Variants in L1CAM observed in about 807,000 individuals in gnomAD.
L1CAM encodes neural cell adhesion molecule L1.
In L1CAM, 8 loss-of-function variants were observed where a neutral mutation model predicts 93.0. The observed-to-expected ratio is 0.09, with a 90% CI of 0.05 to 0.16. The LOEUF (loss-of-function observed/expected upper bound fraction) is 0.16, where lower values mean the gene tolerates loss of function less well. Ranked by LOEUF, L1CAM falls within the 10% of genes least tolerant of loss-of-function variation. L1CAM has a pLI of 1.00. For synonymous variants in L1CAM, 453 were observed against 453.0 expected (o/e 1.00, Z 0.00); for missense variants, 777 against 1,073.4 (o/e 0.72, Z 3.86).
chrX:153,867,124 G>A lies in L1CAM; in HGVS notation c.2138C>T (p.Ala713Val). 2 of 1,204,675 alleles carry A rather than the reference G, an allele frequency of 1.7e-6. No individual in the cohort carries two copies. Among genetic ancestry groups the A allele is most frequent in the Non-Finnish European group, 2.2e-6 (2 of 889,140 alleles). ...CACATCCACAGGGTTCTTCTCTGGG[G>A]CTGGAAAGGAAAGTATTAACACATC... ...VSETVVTPEA[A>V]PEKNPVDVKG... The change falls in exon 18 of 29, where the codon GCC (alanine) becomes GTC (valine). Residue 713 changes from alanine to valine, a missense_variant and splice_region_variant. This residue lies in a region of L1CAM where 574 missense variants were observed against 781.0 expected (regional missense o/e 0.73). Coordinates refer to ENST00000370060, the MANE Select transcript of L1CAM (RefSeq NM_001278116.2).
chrX:153,885,858 C>T (rs2064877436), intron 1 of L1CAM: 6 of 810,866 alleles, frequency 7.4e-6, no homozygotes, highest in South Asian at 2.8e-5. Flanking sequence ...GGCTCGGGCA[C>T]CCGGCATCCC....
At chrX:153,864,133 G>A in intron 25 of L1CAM, 116 bp from the exon 26 acceptor site, 2 of 1,083,940 alleles carry the variant, frequency 1.8e-6, no homozygotes, top group Non-Finnish European at 2.6e-6. Context: ...GACAGGGACA[G>A]GGAAAAGGGC....
intron 13 of L1CAM, 32 bp from the exon 14 acceptor site, chrX:153,868,490 C>T: frequency 8.3e-7 from 1 of 1,211,986 alleles, no homozygotes; most frequent in Non-Finnish European, 1.1e-6. Flanking sequence ...GGAAGTCACT[C>T]TGTTGTCCTC....
In L1CAM at chrX:153,880,101, C is replaced by G. The variant is rs2064836657; in HGVS notation, c.-108-4157G>C. ...CCATCCCACCCCACCTGGCCTCCCA[C>G]TACACCCGCAGGTCCCTCAGGGAGT... On this transcript the variant is annotated intron_variant, in intron 1 of 28. Transcript: ENST00000370060. 3.6e-5 allele frequency among the ~76,000 whole-genome samples: 4 copies of G among 112,135 alleles called. No individual in the cohort carries two copies. In the South Asian group the frequency reaches 1.5e-3, roughly 41 times the overall value.
rs976177297 is a variant in L1CAM, at chrX:153,862,613, G to A, written c.*50C>T. On this transcript the variant is annotated 3_prime_UTR_variant, in exon 29 of 29. Transcript: ENST00000370060. ...TCCCATGGGCCTGCTGGAGAGGGAG[G>A]GGCCTGGATCCCAAGGCCAGGGGCA... 3.0e-6 allele frequency: 3 copies of A among 1,011,494 alleles called. No individual in the cohort carries two copies. Among genetic ancestry groups the A allele is most frequent in the African/African-American group, 3.7e-5 (2 of 53,568 alleles). The allele number at this position is 1,011,494 out of a possible 1,213,427, so 83.4% of individuals were successfully genotyped here.
Position 153,866,887 on chromosome X carries a change from A to G in L1CAM, c.2209-16T>C. 1 of 1,196,735 alleles carries G rather than the reference A, an allele frequency of 8.4e-7. No homozygotes were observed. On this transcript the variant is annotated splice_polypyrimidine_tract_variant and intron_variant, in intron 18 of 28. Transcript: ENST00000370060. ...ACCGGAGCGGCTGGAGGAGGCCAGC[A>G]GAAGAGGAGTTGGTTGGCCAAGAAC...
At chrX:153,885,343 C>T (rs1290742061) in intron 1 of L1CAM, 36 of 974,438 alleles carry the variant, frequency 3.7e-5, no homozygotes, top group Non-Finnish European at 4.8e-5. Context: ...CTCACCCACT[C>T]CAGCCCTGAC....
At chrX:153,870,736 C>G in intron 7 of L1CAM, 54 bp downstream of exon 7, 1 of 1,138,391 alleles carries the variant, frequency 8.8e-7, no homozygotes, top group Non-Finnish European at 1.2e-6. Context: ...TGGGAAGGGC[C>G]ATGCCTGAGG....
chrX:153,869,897 T>G lies in L1CAM; in HGVS notation c.1029A>C (p.Leu343=), dbSNP rs782246241. The change falls in exon 10 of 29, where the codon CTA becomes CTC. Residue 343 remains leucine (L), a synonymous_variant. Transcript: ENST00000370060. The part of the protein sequence containing the change: ...PYWLHKPQSH[L]YGPGETARLD... ...GGCGGGCAGTCTCTCCTGGCCCATA[T>G]AGATGGCTCTGGGGCTTGTGCAGCC... 8.3e-7 allele frequency: 1 copy of G among 1,209,942 alleles called. No homozygotes were observed. Among genetic ancestry groups the G allele is most frequent in the South Asian group, 1.8e-5 (1 of 56,761 alleles).
intron 1 of L1CAM, among the ~76,000 whole-genome samples, chrX:153,883,504 G>A (rs45450698): frequency 3.8e-4 from 43 of 112,171 alleles, no homozygotes; most frequent in South Asian, 1.1e-3. Context: ...GTAAGACAGC[G>A]ACTGCAGGGG....
intron 8 of L1CAM, 24 bp downstream of exon 8, chrX:153,870,364 C>T (rs369601122): frequency 2.5e-6 from 3 of 1,200,133 alleles, no homozygotes; most frequent in Non-Finnish European, 3.4e-6. Context: ...CCTGCCCTGC[C>T]CTGCCCTGGG....
In L1CAM at chrX:153,869,849, C is replaced by T; in HGVS notation, c.1077G>A (p.Arg359=). 1.7e-6 allele frequency: 2 copies of T among 1,210,952 alleles called. No homozygotes were observed. Among genetic ancestry groups the T allele is most frequent in the East Asian group, 5.9e-5 (2 of 33,835 alleles). The change falls in exon 10 of 29, where the codon AGG becomes AGA. Residue 359 remains arginine, a synonymous_variant. Coordinates refer to ENST00000370060, the MANE Select transcript of L1CAM (RefSeq NM_001278116.2). ...TTCTCCAGGTGACCTCTGGTTGGGGCCTGCCCTGGACTTGGCAGTCCAGGC... is the reference window on the plus strand; with the variant it reads ...TTCTCCAGGTGACCTCTGGTTGGGGTCTGCCCTGGACTTGGCAGTCCAGGC... ...TARLDCQVQG[R]PQPEVTWRIN...
chrX:153,884,326 G>C, intron 1 of L1CAM: 8 of 857,878 alleles, frequency 9.3e-6, no homozygotes, highest in Non-Finnish European at 1.2e-5. Flanking sequence ...ACCTTGAAGC[G>C]CTGATTGTCC....
chrX:153,871,882 C>T (rs1175568569), intron 5 of L1CAM, among the ~76,000 whole-genome samples: 1 of 105,712 alleles, frequency 9.5e-6, no homozygotes, highest in African/African-American at 3.5e-5. Context: ...CCCCCGCCAC[C>T]TTCCTGCTCA....
At position 153,862,533 on chromosome X, in the gene L1CAM, G is replaced by A. The variant is rs1458696700; in HGVS notation, c.*130C>T. ...GGGTTTTGGCAATAAAGTGGGGACCGGGTGGTAGGAAGGGGATCCGAGGCA... is the reference window on the plus strand; with the variant it reads ...GGGTTTTGGCAATAAAGTGGGGACCAGGTGGTAGGAAGGGGATCCGAGGCA... On this transcript the variant is annotated 3_prime_UTR_variant, in exon 29 of 29. Transcript: ENST00000370060. The A allele has an allele frequency of 9.9e-6, 5 of 503,358 alleles. No individual in the cohort carries two copies. The highest frequency in any genetic ancestry group is 3.9e-5 in the Admixed American group (1 of 25,659). 41.5% of individuals were successfully genotyped at this position (503,358 alleles called of 1,213,427 possible).
In L1CAM at chrX:153,870,085, G is replaced by A. The variant is rs201700814; in HGVS notation, c.962C>T (p.Ala321Val). ...RCLAENSLGSARHAYYVTVEA... is the reference protein window; with the variant it reads ...RCLAENSLGSVRHAYYVTVEA... ...CACGGTGACATAGTACGCATGCCGG[G>A]CACTGCCCAGTGAGTTCTCGGCCAG... The change falls in exon 9 of 29, where the codon GCC (alanine) becomes GTC (valine). Residue 321 changes from alanine to valine, a missense_variant. Physicochemically the swap from Ala to Val is moderately conservative, Grantham distance 64. Coordinates refer to ENST00000370060, the MANE Select transcript of L1CAM (RefSeq NM_001278116.2). The A allele has an allele frequency of 1.9e-5, 23 of 1,210,377 alleles. No homozygotes were observed. The highest frequency in any genetic ancestry group is 1.0e-4 in the African/African-American group (6 of 57,350).
rs1472054638 is a variant in L1CAM at position 153,875,601 on chromosome X, G to T, written c.76+160C>A. On this transcript the variant is annotated intron_variant, in intron 2 of 28. Transcript: ENST00000370060. The stretch of plus-strand genomic sequence containing the variant: ...CTTCTACCCTGCCCTTCTCTCCGGG[G>T]GTACCCAACGTCCTGGCTATCTCCT... 3 of 537,881 alleles carry T rather than the reference G, an allele frequency of 5.6e-6. No individual in the cohort carries two copies. In the East Asian group the frequency reaches 1.1e-4, roughly 19 times the overall value. The allele number at this position is 537,881 out of a possible 1,213,427, so 44.3% of individuals were successfully genotyped here.
chrX:153,883,973 G>A (rs1272082990), intron 1 of L1CAM: 3 of 342,039 alleles, frequency 8.8e-6, no homozygotes, highest in African/African-American at 5.2e-5. Context: ...GGCGCCAGCT[G>A]TAGTTCCAGT....
At chrX:153,862,934 G>A (rs782119181) in intron 28 of L1CAM, 40 bp from the exon 29 acceptor site, 5 of 1,080,193 alleles carry the variant, frequency 4.6e-6, no homozygotes, top group South Asian at 1.9e-5. Context: ...GAGCACTGCC[G>A]AGCCCCTGCA....
Sources: gnomAD v4.1 joint callset for allele counts (sites outside exome capture counted in the v4.1 genomes callset) on GRCh38, gnomAD v4.1.1 for gene constraint, gnomAD v4.1.1 regional missense constraint, MANE v1.5 for transcripts, NCBI Gene and HGNC (gene_info 2026-07-23, HGNC 2026-07-21) for gene names.